The following C2CD4B variants were observed in gnomAD, a reference collection of about 807,000 sequenced individuals.
The protein encoded by C2CD4B is C2 calcium dependent domain containing 4B, also known as C2 calcium-dependent domain-containing protein 4B.
For synonymous variants in C2CD4B, 347 were observed against 284.9 expected, an observed-to-expected ratio of 1.22 and a Z score of -2.20; for missense variants, 644 against 577.7, an observed-to-expected ratio of 1.11 and a Z score of -1.18.
In C2CD4B at chr15:62,163,715, G is replaced by T; in HGVS notation, c.*175C>A. 4 of 953,376 alleles carry T rather than the reference G, an allele frequency of 4.2e-6. No homozygotes were observed. The highest frequency in any genetic ancestry group is 5.7e-6 in the Non-Finnish European group (4 of 704,424). 59.1% of individuals were successfully genotyped at this position (953,376 alleles called of 1,614,324 possible). A position where few individuals can be genotyped will look rare whatever the true frequency, so the allele number is the denominator to read the frequency against. On this transcript the variant is annotated 3_prime_UTR_variant, in exon 2 of 2. Coordinates refer to ENST00000380392, the MANE Select transcript of C2CD4B (RefSeq NM_001007595.3). ...ATGGGGGTCCTGTGAACAGAACAGG[G>T]AGTCATTATCTTTTTCTTCTTTACC...
rs1404040893 is a variant in C2CD4B, at chr15:62,164,710, G to C, written c.275C>G (p.Pro92Arg). 2 of 1,475,020 alleles carry C rather than the reference G, an allele frequency of 1.4e-6. No homozygotes were observed. Among genetic ancestry groups the C allele is most frequent in the East Asian group, 2.9e-5 (1 of 34,178 alleles). 91.4% of individuals were successfully genotyped at this position (1,475,020 alleles called of 1,614,324 possible). The change falls in exon 2 of 2, where the codon CCC becomes CGC. Residue 92 changes from proline (P) to arginine (R), a missense_variant. Physicochemically the swap from Pro to Arg is moderately radical, Grantham distance 103. Transcript: ENST00000380392. Reference sequence around the variant, plus strand: ...GAAGCCGTAGGTGGTGCGCACACGGGGCAGGTGCGGCAGTGACAGCGCTGC... The same window carrying C: ...GAAGCCGTAGGTGGTGCGCACACGGCGCAGGTGCGGCAGTGACAGCGCTGC... ...SQAALSLPHL[P>R]RVRTTYGFCA...
Position 62,165,017 on chromosome 15 carries a change from A to T in C2CD4B, c.-33T>A. On this transcript the variant is annotated 5_prime_UTR_variant, in exon 2 of 2. Coordinates refer to ENST00000380392, the MANE Select transcript of C2CD4B (RefSeq NM_001007595.3). ...GGCTGGGGCTAGGAGTGGCGGGAAG[A>T]GGTGCGCCTGCGGGGGAGAGAAGCT... The T allele has an allele frequency of 6.8e-7, 1 of 1,476,012 alleles. No homozygotes were observed. Among genetic ancestry groups the T allele is most frequent in the Non-Finnish European group, 9.0e-7 (1 of 1,116,662 alleles). The allele number at this position is 1,476,012 out of a possible 1,614,324, so 91.4% of individuals were successfully genotyped here.
chr15:62,163,980 G>A lies in C2CD4B; in HGVS notation c.1005C>T (p.Arg335=). 1 of 1,598,470 alleles carries A rather than the reference G, an allele frequency of 6.3e-7. No individual in the cohort carries two copies. Among genetic ancestry groups the A allele is most frequent in the South Asian group, 1.1e-5 (1 of 88,658 alleles). The change falls in exon 2 of 2, where the codon CGC becomes CGT. Residue 335 remains arginine, a synonymous_variant. Coordinates refer to ENST00000380392, the MANE Select transcript of C2CD4B (RefSeq NM_001007595.3). ...SEDEVRRLAV[R]VKARDEGRGR... The stretch of plus-strand genomic sequence containing the variant: ...CGCGACCCTCATCCCGGGCCTTGAC[G>A]CGAACGGCCAGGCGGCGCACCTCGT...
chr15:62,164,291 G>C lies in C2CD4B; in HGVS notation c.694C>G (p.Pro232Ala). The change falls in exon 2 of 2, where the codon CCG becomes GCG. Residue 232 changes from proline to alanine, a missense_variant. Coordinates refer to ENST00000380392, the MANE Select transcript of C2CD4B (RefSeq NM_001007595.3). ...PSSSPLSSRA[P>A]LPERLEAKGT... ...TTGGCCTCCAGGCGCTCAGGAAGCG[G>C]GGCCCTGGATGACAGCGGGCTCGAG... is the stretch of plus-strand genomic sequence containing the variant. 2.8e-6 allele frequency: 4 copies of C among 1,421,324 alleles called. No homozygotes were observed. Among genetic ancestry groups the C allele is most frequent in the Non-Finnish European group, 3.6e-6 (4 of 1,097,996 alleles). 88.0% of individuals were successfully genotyped at this position (1,421,324 alleles called of 1,614,324 possible).
chr15:62,164,785 CG>C lies in C2CD4B; in HGVS notation c.199del (p.Arg67AlafsTer118). ...GCGGCCGGCGTCCTCGTCTGCCGCG[CG>C]GGGCCACAGGTCGCTTTCAGCGGCG... ...RCAAESDLWP[R>X]AADEDAGRTD... On this transcript the variant is annotated frameshift_variant, in exon 2 of 2. Transcript: ENST00000380392. LOFTEE classifies it low-confidence loss of function (END_TRUNC). 1 of 1,478,228 alleles carries C rather than the reference CG, an allele frequency of 6.8e-7. No homozygotes were observed. The highest frequency in any genetic ancestry group is 8.9e-7 in the Non-Finnish European group (1 of 1,125,222). The allele number at this position is 1,478,228 out of a possible 1,614,324, so 91.6% of individuals were successfully genotyped here.
chr15:62,164,238 G>A lies in C2CD4B; in HGVS notation c.747C>T (p.Gly249=), dbSNP rs1426496667. Residue 249 remains glycine, a synonymous_variant, in exon 2 of 2, where the codon GGC becomes GGT. Coordinates refer to ENST00000380392, the MANE Select transcript of C2CD4B (RefSeq NM_001007595.3). ...ACTCAGCAGCCAGGCGCAGGGCGTCGCCGGCGCGGCCCAGAGCCACGGTGC... is the reference window on the plus strand; with the variant it reads ...ACTCAGCAGCCAGGCGCAGGGCGTCACCGGCGCGGCCCAGAGCCACGGTGC... ...AKGTVALGRA[G]DALRLAAEYC... 17 of 1,455,600 alleles carry A rather than the reference G, an allele frequency of 1.2e-5. No individual in the cohort carries two copies. Among genetic ancestry groups the A allele is most frequent in the Non-Finnish European group, 1.5e-5 (17 of 1,112,196 alleles). 90.2% of individuals were successfully genotyped at this position (1,455,600 alleles called of 1,614,324 possible). A position where few individuals can be genotyped will look rare whatever the true frequency, so the allele number is the denominator to read the frequency against.
In C2CD4B at chr15:62,163,593, G is replaced by C. The variant is rs973859161; in HGVS notation, c.*297C>G. ...CTGTAACATTGATAGAAAACCGGAA[G>C]GAATTAAAAACAATGCAGATGGGTG... On this transcript the variant is annotated 3_prime_UTR_variant, in exon 2 of 2. Coordinates refer to ENST00000380392, the MANE Select transcript of C2CD4B (RefSeq NM_001007595.3). 1 of 357,234 alleles carries C rather than the reference G, an allele frequency of 2.8e-6. No individual in the cohort carries two copies. The highest frequency in any genetic ancestry group is 2.1e-5 in the African/African-American group (1 of 47,798). The allele number at this position is 357,234 out of a possible 1,614,324, so 22.1% of individuals were successfully genotyped here.
rs936713927 is a variant in C2CD4B, at chr15:62,163,668, C to G, written c.*222G>C. 1.7e-6 allele frequency: 1 copy of G among 593,890 alleles called. No homozygotes were observed. The highest frequency in any genetic ancestry group is 2.5e-6 in the Non-Finnish European group (1 of 405,884). 36.8% of individuals were successfully genotyped at this position (593,890 alleles called of 1,614,324 possible). On this transcript the variant is annotated 3_prime_UTR_variant, in exon 2 of 2. Coordinates refer to ENST00000380392, the MANE Select transcript of C2CD4B (RefSeq NM_001007595.3). Reference sequence around the variant, plus strand: ...AGCCAACCCATTTTTCCTTGGAATGCAAAAATGGTCTGGAAAGAGATATGG... The same window carrying G: ...AGCCAACCCATTTTTCCTTGGAATGGAAAAATGGTCTGGAAAGAGATATGG...
At position 62,164,412 on chromosome 15, in the gene C2CD4B, T is replaced by A; in HGVS notation, c.573A>T (p.Gly191=). 7.1e-7 allele frequency: 1 copy of A among 1,408,028 alleles called. No individual in the cohort carries two copies. The highest frequency in any genetic ancestry group is 9.2e-7 in the Non-Finnish European group (1 of 1,086,090). 87.2% of individuals were successfully genotyped at this position (1,408,028 alleles called of 1,614,324 possible). ...GGACGCGGGCCAGGCGGCGACTCCT[T>A]CCAGCCCGCAGCGCGCGACTCAGCA... is the stretch of plus-strand genomic sequence containing the variant. The part of the protein sequence containing the change: ...DGLLSRALRA[G]RSRRLARVRS... Residue 191 remains glycine, a synonymous_variant, in exon 2 of 2, where the codon GGA becomes GGT. Coordinates refer to ENST00000380392, the MANE Select transcript of C2CD4B (RefSeq NM_001007595.3).
chr15:62,163,913 G>C lies in C2CD4B; in HGVS notation c.1072C>G (p.Leu358Val). ...CCTCAGAGCAGCAGGAGGGCGCCCA[G>C]GGACAGCTCACCCTGGCCCAGCAGG... Reference protein sequence around the residue: ...GRLLGQGELSLGALLLL With the variant: ...GRLLGQGELSVGALLLL The change falls in exon 2 of 2, where the codon CTG becomes GTG. Residue 358 changes from leucine (L) to valine (V), a missense_variant. Coordinates refer to ENST00000380392, the MANE Select transcript of C2CD4B (RefSeq NM_001007595.3). 6.5e-7 allele frequency: 1 copy of C among 1,534,364 alleles called. No individual in the cohort carries two copies. Among genetic ancestry groups the C allele is most frequent in the Non-Finnish European group, 8.7e-7 (1 of 1,145,432 alleles).
At position 62,163,721 on chromosome 15, in the gene C2CD4B, T is replaced by C. The variant is rs1292147275; in HGVS notation, c.*169A>G. 1 of 1,012,710 alleles carries C rather than the reference T, an allele frequency of 9.9e-7. No individual in the cohort carries two copies. Among genetic ancestry groups the C allele is most frequent in the Admixed American group, 3.8e-5 (1 of 26,186 alleles). The allele number at this position is 1,012,710 out of a possible 1,614,324, so 62.7% of individuals were successfully genotyped here. On this transcript the variant is annotated 3_prime_UTR_variant, in exon 2 of 2. Transcript: ENST00000380392. ...GTCCTGTGAACAGAACAGGGAGTCA[T>C]TATCTTTTTCTTCTTTACCAATAGA...
Position 62,163,879 on chromosome 15 carries a change from G to A in C2CD4B, c.*11C>T, listed in dbSNP as rs2049577447. On this transcript the variant is annotated 3_prime_UTR_variant, in exon 2 of 2. Coordinates refer to ENST00000380392, the MANE Select transcript of C2CD4B (RefSeq NM_001007595.3). ...TCTCCAGGGCAGAGCGCCCCGGGGA[G>A]GGCTGGGCCCTCAGAGCAGCAGGAG... 1.3e-6 allele frequency: 2 copies of A among 1,486,140 alleles called. No homozygotes were observed. The highest frequency in any genetic ancestry group is 1.8e-6 in the Non-Finnish European group (2 of 1,124,340). The allele number at this position is 1,486,140 out of a possible 1,614,324, so 92.1% of individuals were successfully genotyped here.
At chr15:62,165,147 C>T in intron 1 of C2CD4B, 48 bp downstream of exon 1, 1 of 730,018 alleles carries the variant, frequency 1.4e-6, no homozygotes, top group South Asian at 2.1e-5. Flanking sequence ...AGACCAGTTC[C>T]AGCCTTCCTC....
rs1354805745 is a variant in C2CD4B, at chr15:62,164,457, G to A, written c.528C>T (p.Leu176=). The change falls in exon 2 of 2, where the codon CTC becomes CTT. Residue 176 remains leucine, a synonymous_variant. Coordinates refer to ENST00000380392, the MANE Select transcript of C2CD4B (RefSeq NM_001007595.3). ...TCAGCAGCCCGTCGGGGACGCGCAG[G>A]AGGCGGCAGCGGCGGGGCCCCGCAG... ...ALAAGPRRCR[L]LRVPDGLLSR... is the part of the protein sequence containing the mutation. 11 of 1,295,494 alleles carry A rather than the reference G, an allele frequency of 8.5e-6. No homozygotes were observed. The South Asian group carries it at 2.7e-4, about 32-fold the overall frequency. 80.2% of individuals were successfully genotyped at this position (1,295,494 alleles called of 1,614,324 possible). A position where few individuals can be genotyped will look rare whatever the true frequency, so the allele number is the denominator to read the frequency against.
In C2CD4B at chr15:62,163,851, G is replaced by C. The variant is rs776184609; in HGVS notation, c.*39C>G. On this transcript the variant is annotated 3_prime_UTR_variant, in exon 2 of 2. Transcript: ENST00000380392. ...TGTACCACGCGGCTGTCAGTGTCCG[G>C]AGTCTCCAGGGCAGAGCGCCCCGGG... 3 of 1,423,782 alleles carry C rather than the reference G, an allele frequency of 2.1e-6. No homozygotes were observed. The highest frequency in any genetic ancestry group is 2.7e-6 in the Non-Finnish European group (3 of 1,095,646). 88.2% of individuals were successfully genotyped at this position (1,423,782 alleles called of 1,614,324 possible).
Position 62,164,510 on chromosome 15 carries a change from C to G in C2CD4B, c.475G>C (p.Gly159Arg). The stretch of plus-strand genomic sequence containing the variant: ...AGCGCGTCCTGGGGCAGGCGGGGAC[C>G]GCCGGGGGCCGCGGGGGTGGCCGGG... ...PGPATPAAPGGPRLPQDALAA... is the reference protein window; with the variant it reads ...PGPATPAAPGRPRLPQDALAA... The change falls in exon 2 of 2, where the codon GGT (glycine) becomes CGT (arginine). Residue 159 changes from glycine (G) to arginine (R), a missense_variant. By Grantham distance (125) the Gly-to-Arg change is moderately radical. Transcript: ENST00000380392. The G allele has an allele frequency of 4.2e-6, 5 of 1,181,484 alleles. No individual in the cohort carries two copies. The highest frequency in any genetic ancestry group is 4.2e-5 in the South Asian group (1 of 24,000). The allele number at this position is 1,181,484 out of a possible 1,614,324, so 73.2% of individuals were successfully genotyped here.
In C2CD4B at chr15:62,164,313, C is replaced by T. The variant is rs1350720027; in HGVS notation, c.672G>A (p.Ser224=). The change falls in exon 2 of 2, where the codon TCG becomes TCA. Residue 224 remains serine, a synonymous_variant. Transcript: ENST00000380392. ...GSESPARAPS[S]SPLSSRAPLP... ...GCGGGGCCCTGGATGACAGCGGGCT[C>T]GAGGAGGGGGCCCGGGCCGGGGACT... 3 of 1,405,544 alleles carry T rather than the reference C, an allele frequency of 2.1e-6. No individual in the cohort carries two copies. Among genetic ancestry groups the T allele is most frequent in the Non-Finnish European group, 2.8e-6 (3 of 1,088,832 alleles). The allele number at this position is 1,405,544 out of a possible 1,614,324, so 87.1% of individuals were successfully genotyped here.
At position 62,164,381 on chromosome 15, in the gene C2CD4B, C is replaced by G; in HGVS notation, c.604G>C (p.Val202Leu). Residue 202 changes from valine (V) to leucine (L), a missense_variant, in exon 2 of 2, where the codon GTC becomes CTC. Coordinates refer to ENST00000380392, the MANE Select transcript of C2CD4B (RefSeq NM_001007595.3). Reference sequence around the variant, plus strand: ...TCCTCGTCCTCGTTCCCGCTGGAGACGGAGCGGACGCGGGCCAGGCGGCGA... The same window carrying G: ...TCCTCGTCCTCGTTCCCGCTGGAGAGGGAGCGGACGCGGGCCAGGCGGCGA... ...RSRRLARVRS[V>L]SSGNEDEERR... 1 of 1,421,140 alleles carries G rather than the reference C, an allele frequency of 7.0e-7. No individual in the cohort carries two copies. The highest frequency in any genetic ancestry group is 9.1e-7 in the Non-Finnish European group (1 of 1,094,110). 88.0% of individuals were successfully genotyped at this position (1,421,140 alleles called of 1,614,324 possible).
rs1361901089 is a variant in C2CD4B, at chr15:62,164,203, C to T, written c.782G>A (p.Gly261Glu). The stretch of plus-strand genomic sequence containing the variant: ...CAGCCGGAGGCGGAGACGCCGGGTT[C>T]CCGGACAGTACTCAGCAGCCAGGCG... The part of the protein sequence containing the change: ...ALRLAAEYCP[G>E]TRRLRLRLLR... The change falls in exon 2 of 2, where the codon GGA (glycine) becomes GAA (glutamate). Residue 261 changes from glycine to glutamate, a missense_variant. Transcript: ENST00000380392. 39 of 1,481,048 alleles carry T rather than the reference C, an allele frequency of 2.6e-5. No homozygotes were observed. The highest frequency in any genetic ancestry group is 3.0e-5 in the Non-Finnish European group (34 of 1,124,806). 91.7% of individuals were successfully genotyped at this position (1,481,048 alleles called of 1,614,324 possible).
Sources: allele counts gnomAD v4.1 joint callset, GRCh38; gene constraint gnomAD v4.1.1; transcripts MANE v1.5; gene names NCBI Gene and HGNC (gene_info 2026-07-23, HGNC 2026-07-21).